EPHA3: variants seen among roughly 807,000 people sequenced by gnomAD.
EPHA3 encodes the protein ephrin type-A receptor 3.
Under a neutral mutation model 107.1 loss-of-function variants are expected in EPHA3, and 42 were observed. That is an observed-to-expected ratio of 0.39 (90% CI 0.31 to 0.51). The LOEUF (loss-of-function observed/expected upper bound fraction) is 0.51. EPHA3 is among the 20% of genes least tolerant of loss of function. The probability of loss-of-function intolerance (pLI) is 0.78; values close to 1 mark genes in which losing one functional copy is unlikely to be tolerated. For synonymous variants in EPHA3, 461 were observed against 424.8 expected (o/e 1.09, Z -1.05); for missense variants, 1,183 against 1,211.2 (o/e 0.98, Z 0.35).
At chr3:89,338,271 G>A (rs997034730) in intron 3 of EPHA3, among the ~76,000 whole-genome samples, 1 of 152,118 alleles carries the variant, frequency 6.6e-6, no homozygotes, top group African/African-American at 2.4e-5. Flanking sequence ...CTATGTAACA[G>A]TTTGTATTTT....
chr3:89,209,552 T>C (rs1002129652), intron 2 of EPHA3, among the ~76,000 whole-genome samples: 3 of 152,148 alleles, frequency 2.0e-5, no homozygotes, highest in African/African-American at 7.2e-5. Flanking sequence ...AAAATAATAT[T>C]ATAGTGTCAT....
Position 89,210,173 on chromosome 3 carries a change from A to T in EPHA3, c.467A>T (p.Asp156Val). Residue 156 changes from aspartate to valine, a missense_variant, in exon 3 of 17, where the codon GAT becomes GTT. Coordinates refer to ENST00000336596, the MANE Select transcript of EPHA3 (RefSeq NM_005233.6). ...GCTGATGAAAGTTTCACTCAAATGG[A>T]TCTTGGGGACCGTATTCTGAAGCTC... is the stretch of plus-strand genomic sequence containing the variant. ...IAADESFTQM[D>V]LGDRILKLNT... 6.2e-7 allele frequency: 1 copy of T among 1,614,054 alleles called. No homozygotes were observed. Among genetic ancestry groups the T allele is most frequent in the Non-Finnish European group, 8.5e-7 (1 of 1,179,952 alleles).
At chr3:89,150,022 G>A (rs918159028) in intron 2 of EPHA3, among the ~76,000 whole-genome samples, 2 of 151,946 alleles carry the variant, frequency 1.3e-5, no homozygotes, top group South Asian at 2.1e-4. Flanking sequence ...CTACCCTTAA[G>A]CAGTAGTTGT....
At position 89,460,712 on chromosome 3, in the gene EPHA3, G is replaced by A. The variant is rs558123214; in HGVS notation, c.2690+10342G>A. On this transcript the variant is annotated intron_variant, in intron 15 of 16. Transcript: ENST00000336596. ...TGCCTTTATTTCTCAAAATGACTTT[G>A]ACCTCAAATTCTGAAACTGACAGGG... Among the ~76,000 whole-genome samples, 19 of 147,218 alleles carry A rather than the reference G, an allele frequency of 1.3e-4. No individual in the cohort carries two copies. The East Asian group carries it at 3.7e-3, about 29-fold the overall frequency.
chr3:89,431,111 AG>A (rs1277654244), intron 12 of EPHA3, 38 bp from the exon 13 acceptor site: 3 of 1,580,368 alleles, frequency 1.9e-6, no homozygotes, highest in Non-Finnish European at 2.6e-6. Context: ...TTTAAGAAAT[AG>A]GAACGTATCT....
At chr3:89,148,594 G>T (rs1214537091) in intron 2 of EPHA3, among the ~76,000 whole-genome samples, 1 of 151,892 alleles carries the variant, frequency 6.6e-6, no homozygotes, top group Non-Finnish European at 1.5e-5. Context: ...GGAAAATTGT[G>T]CTTTTAAACT....
intron 4 of EPHA3, among the ~76,000 whole-genome samples, chr3:89,341,502 A>G (rs1707519891): frequency 3.3e-5 from 5 of 152,192 alleles, no homozygotes; most frequent in Admixed American, 3.3e-4. Context: ...GAACATAGTG[A>G]TGAGTTACTT....
intron 3 of EPHA3, among the ~76,000 whole-genome samples, chr3:89,316,513 T>TATAG (rs898948425): frequency 1.5e-5 from 2 of 131,636 alleles, no homozygotes; most frequent in African/African-American, 6.2e-5. Flanking sequence ...GTAATATATA[T>TATAG]ATATATATAT....
intron 2 of EPHA3, among the ~76,000 whole-genome samples, chr3:89,131,864 A>G (rs1704213929): frequency 1.3e-5 from 2 of 152,152 alleles, no homozygotes; most frequent in Non-Finnish European, 2.9e-5. Context: ...TGCCCACCCA[A>G]TATCTGTTCG....
chr3:89,456,432 G>A lies in EPHA3; in HGVS notation c.2690+6062G>A, dbSNP rs76342980. Among the ~76,000 whole-genome samples, 1,481 of 152,022 alleles carry A rather than the reference G, an allele frequency of 9.7e-3. 20 individuals are homozygous for A. The highest frequency in any genetic ancestry group is 0.03 in the African/African-American group (1,252 of 41,472). The stretch of plus-strand genomic sequence containing the variant: ...CTTTCTGGATTTAGTACATTTTATG[G>A]TCAAATTTTATTTTTTTCTTGGTGG... On this transcript the variant is annotated intron_variant, in intron 15 of 16. Coordinates refer to ENST00000336596, the MANE Select transcript of EPHA3 (RefSeq NM_005233.6).
chr3:89,218,419 G>A (rs1210174387), intron 3 of EPHA3, among the ~76,000 whole-genome samples: 1 of 151,472 alleles, frequency 6.6e-6, no homozygotes, highest in Non-Finnish European at 1.5e-5. Context: ...AGTTTGCTGA[G>A]AATGATGGTT....
chr3:89,311,832 G>C lies in EPHA3; in HGVS notation c.815-29084G>C, dbSNP rs992548818. On this transcript the variant is annotated intron_variant, in intron 3 of 16. Coordinates refer to ENST00000336596, the MANE Select transcript of EPHA3 (RefSeq NM_005233.6). ...ACACTTGTATTTTCAACACTTCGGA[G>C]CTGGCAATATAACTTGGAATATTTT... 3.3e-5 allele frequency among the ~76,000 whole-genome samples: 5 copies of C among 151,986 alleles called. No individual in the cohort carries two copies. In the Admixed American group the frequency reaches 3.3e-4, roughly 10 times the overall value.
chr3:89,340,221 A>G (rs775711527), intron 3 of EPHA3, among the ~76,000 whole-genome samples: 3 of 152,226 alleles, frequency 2.0e-5, no homozygotes, highest in Non-Finnish European at 4.4e-5. Context: ...AAAAGATAAC[A>G]CAGTTATTAA....
chr3:89,321,772 A>G (rs571466733), intron 3 of EPHA3, among the ~76,000 whole-genome samples: 1 of 152,112 alleles, frequency 6.6e-6, no homozygotes, highest in African/African-American at 2.4e-5. Flanking sequence ...TGAATGTTGT[A>G]TTACTTTTGA....
intron 3 of EPHA3, among the ~76,000 whole-genome samples, chr3:89,224,779 G>A (rs1312632103): frequency 6.6e-6 from 1 of 152,000 alleles, no homozygotes; most frequent in Non-Finnish European, 1.5e-5. Flanking sequence ...AATCCTGGAG[G>A]CGGAGGTTGC....
At chr3:89,360,791 A>T in intron 5 of EPHA3, among the ~76,000 whole-genome samples, 1 of 151,134 alleles carries the variant, frequency 6.6e-6, no homozygotes, top group Admixed American at 6.6e-5. Flanking sequence ...TAAATTAGCA[A>T]TGTTTGCAGT....
intron 7 of EPHA3, among the ~76,000 whole-genome samples, chr3:89,404,080 G>A (rs1022306592): frequency 3.9e-5 from 6 of 151,990 alleles, no homozygotes; most frequent in African/African-American, 7.2e-5. Flanking sequence ...TAGCGCTCCC[G>A]AAAGCCTCAC....
At chr3:89,470,115 T>C (rs1377022762) in intron 15 of EPHA3, among the ~76,000 whole-genome samples, 1 of 143,638 alleles carries the variant, frequency 7.0e-6, no homozygotes, top group Non-Finnish European at 1.6e-5. Context: ...ATTACAATAA[T>C]GAAAAAAATC....
At chr3:89,420,895 T>A (rs1191540241) in intron 11 of EPHA3, among the ~76,000 whole-genome samples, 1 of 151,506 alleles carries the variant, frequency 6.6e-6, no homozygotes, top group African/African-American at 2.4e-5. Context: ...GCCCACATTA[T>A]ACTATGACAT....
Sources: allele counts gnomAD v4.1 joint callset (sites outside exome capture counted in the v4.1 genomes callset), GRCh38; gene constraint gnomAD v4.1.1; transcripts MANE v1.5; gene names NCBI Gene and HGNC (gene_info 2026-07-23, HGNC 2026-07-21).